GRM7: variants seen among roughly 807,000 people sequenced by gnomAD.
The protein encoded by GRM7 is metabotropic glutamate receptor 7.
GRM7 carries 35 observed loss-of-function variants against 84.5 expected under a neutral mutation model. The observed-to-expected ratio is 0.41, with a 90% CI of 0.32 to 0.55. The LOEUF (loss-of-function observed/expected upper bound fraction) is 0.55, where lower values mean the gene tolerates loss of function less well. GRM7 is among the 20% of genes least tolerant of loss of function. GRM7 has a pLI of 0.19. For synonymous variants in GRM7, 487 were observed against 455.1 expected (o/e 1.07, Z -0.89); for missense variants, 1,003 against 1,194.6 (o/e 0.84, Z 2.36).
intron 1 of GRM7, among the ~76,000 whole-genome samples, chr3:7,116,295 A>G (rs994748482): frequency 2.0e-5 from 3 of 152,152 alleles, no homozygotes; most frequent in African/African-American, 7.2e-5. Context: ...GTGAATTATA[A>G]CAACTGAGGT....
intron 1 of GRM7, among the ~76,000 whole-genome samples, chr3:6,868,718 A>G (rs1335606224): frequency 6.6e-6 from 1 of 152,180 alleles, no homozygotes; most frequent in Non-Finnish European, 1.5e-5. Context: ...GTTTTAATAC[A>G]ATTGCTGAAA....
chr3:7,656,251 G>A (rs1042374667), intron 8 of GRM7, among the ~76,000 whole-genome samples: 1 of 152,118 alleles, frequency 6.6e-6, no homozygotes, highest in African/African-American at 2.4e-5. Flanking sequence ...GCATTTGGGA[G>A]GCCAAGGCAG....
chr3:6,969,724 T>G (rs931290471), intron 1 of GRM7, among the ~76,000 whole-genome samples: 3 of 152,194 alleles, frequency 2.0e-5, no homozygotes, highest in Admixed American at 6.5e-5. Flanking sequence ...GCTCCTTCTC[T>G]TAGGAAGTTA....
At position 7,281,615 on chromosome 3, in the gene GRM7, C is replaced by G. The variant is rs114965573; in HGVS notation, c.737-17069C>G. On this transcript the variant is annotated intron_variant, in intron 2 of 9. Transcript: ENST00000357716. ...GAAAGCAGATTTTTTTTTAAATATT[C>G]CCTTTAAATAAACATCAACAGTGAT... is the stretch of plus-strand genomic sequence containing the variant. Among the ~76,000 whole-genome samples, 829 of 152,126 alleles carry G rather than the reference C, an allele frequency of 5.4e-3. 7 individuals carry two copies. Among genetic ancestry groups the G allele is most frequent in the African/African-American group, 0.019 (792 of 41,500 alleles).
At chr3:6,936,334 G>A (rs896486014) in intron 1 of GRM7, among the ~76,000 whole-genome samples, 1 of 152,146 alleles carries the variant, frequency 6.6e-6, no homozygotes, top group African/African-American at 2.4e-5. Flanking sequence ...GAAGCCTAGA[G>A]GGTGGTTTTC....
chr3:7,062,306 C>A (rs925314284), intron 1 of GRM7, among the ~76,000 whole-genome samples: 41 of 151,432 alleles, frequency 2.7e-4, no homozygotes, highest in Admixed American at 2.5e-3. Flanking sequence ...GTTCAAAGAA[C>A]ATGAAGGAGA....
rs367809367 is a variant in GRM7 at position 7,181,979 on chromosome 3, T to A, written c.736+35311T>A. Among the ~76,000 whole-genome samples the A allele has an allele frequency of 1.4e-4, 22 of 152,284 alleles. No homozygotes were observed. The East Asian group carries it at 3.1e-3, about 21-fold the overall frequency. ...TTTAGTTTAATGCCTAAAAGTATAA[T>A]TAAATCTAATTAACAATGGCCTTGG... On this transcript the variant is annotated intron_variant, in intron 2 of 9. Transcript: ENST00000357716.
At chr3:7,524,750 C>G (rs1700725191) in intron 7 of GRM7, among the ~76,000 whole-genome samples, 1 of 88,052 alleles carries the variant, frequency 1.1e-5, no homozygotes, top group East Asian at 2.6e-4. Context: ...TTTGACCCAG[C>G]CATCCCATTA....
At chr3:7,714,250 T>G (rs1163620618) in intron 9 of GRM7, among the ~76,000 whole-genome samples, 5 of 152,094 alleles carry the variant, frequency 3.3e-5, no homozygotes, top group Admixed American at 3.3e-4. Context: ...ACATATCTAG[T>G]AAAGAGTAGG....
At chr3:7,345,004 C>T (rs981737831) in intron 4 of GRM7, among the ~76,000 whole-genome samples, 13 of 152,046 alleles carry the variant, frequency 8.6e-5, no homozygotes, top group Non-Finnish European at 2.9e-5. Context: ...ACATTATACA[C>T]ATGTATTAAA....
At chr3:7,194,246 C>T (rs767751548) in intron 2 of GRM7, among the ~76,000 whole-genome samples, 10 of 152,112 alleles carry the variant, frequency 6.6e-5, no homozygotes, top group Non-Finnish European at 1.3e-4. Flanking sequence ...CTTTCTTTTG[C>T]TGATCCAAGA....
chr3:7,587,395 T>A (rs1175224180), intron 8 of GRM7, among the ~76,000 whole-genome samples: 1 of 152,172 alleles, frequency 6.6e-6, no homozygotes, highest in East Asian at 1.9e-4. Flanking sequence ...CCTAGGTTCC[T>A]CTTAGCAAAA....
chr3:7,216,806 G>T (rs1487662528), intron 2 of GRM7, among the ~76,000 whole-genome samples: 1 of 152,120 alleles, frequency 6.6e-6, no homozygotes, highest in Non-Finnish European at 1.5e-5. Flanking sequence ...GCTTTCATTA[G>T]AAACATAGTG....
chr3:6,876,209 A>G (rs73124748), intron 1 of GRM7, among the ~76,000 whole-genome samples: 1,751 of 152,104 alleles, frequency 0.012, 31 homozygotes, highest in African/African-American at 0.04. Flanking sequence ...CAGCGGTAGC[A>G]ATGAGCCGAG....
chr3:7,472,928 A>T (rs1207791889), intron 7 of GRM7, among the ~76,000 whole-genome samples: 1 of 152,218 alleles, frequency 6.6e-6, no homozygotes, highest in Non-Finnish European at 1.5e-5. Context: ...ATGACAAAGC[A>T]TACGTGCAGA....
chr3:7,522,507 C>A (rs1296766093), intron 7 of GRM7, among the ~76,000 whole-genome samples: 1 of 152,150 alleles, frequency 6.6e-6, no homozygotes, highest in East Asian at 1.9e-4. Flanking sequence ...CTCCAGAGGT[C>A]AGTTTATGCC....
At chr3:7,580,290 G>T (rs3804904) in intron 8 of GRM7, among the ~76,000 whole-genome samples, 52,803 of 151,998 alleles carry the variant, frequency 0.35, 10,186 homozygotes, top group African/African-American at 0.53. Context: ...AGTACAACTG[G>T]GATCTAGAGT....
chr3:7,299,578 C>G (rs1469364045), intron 3 of GRM7, among the ~76,000 whole-genome samples: 1 of 152,160 alleles, frequency 6.6e-6, no homozygotes, highest in Admixed American at 6.5e-5. Context: ...GGTACAATAA[C>G]TAATTAAAAG....
chr3:7,729,869 CTTTTTTTT>C (rs1168461157), intron 9 of GRM7, among the ~76,000 whole-genome samples: 1 of 69,962 alleles, frequency 1.4e-5, no homozygotes, highest in South Asian at 7.5e-4. Flanking sequence ...CCACCTCCGG[CTTTTTTTT>C]TTTTTTTTTT....
Sources: allele counts gnomAD v4.1 joint callset (sites outside exome capture counted in the v4.1 genomes callset), GRCh38; gene constraint gnomAD v4.1.1; transcripts MANE v1.5; gene names NCBI Gene and HGNC (gene_info 2026-07-23, HGNC 2026-07-21).